GPC3: variants seen among roughly 807,000 people sequenced by gnomAD.
GPC3 encodes the protein glypican-3.
A neutral mutation model predicts 34.4 loss-of-function variants in GPC3; 3 were observed. The observed-to-expected ratio is 0.09, with a 90% CI of 0.04 to 0.23. The LOEUF (loss-of-function observed/expected upper bound fraction) is 0.23. Ranked by LOEUF, GPC3 falls within the 10% of genes least tolerant of loss-of-function variation. The pLI, the probability that GPC3 is intolerant of heterozygous loss-of-function variation, is 1.00. For missense variants in GPC3, 351 were observed against 445.6 expected, an observed-to-expected ratio of 0.79 and a Z score of 1.91; for synonymous variants, 177 against 174.0, an observed-to-expected ratio of 1.02 and a Z score of -0.13.
At chrX:133,596,344 G>C in intron 7 of GPC3, 96 bp downstream of exon 7, 1 of 731,124 alleles carries the variant, frequency 1.4e-6, no homozygotes, top group Non-Finnish European at 2.2e-6. Flanking sequence ...GTGTTGCAGG[G>C]AATGTAAGGG....
At chrX:133,913,474 C>G (rs1049038680) in intron 2 of GPC3, among the ~76,000 whole-genome samples, 4 of 111,895 alleles carry the variant, frequency 3.6e-5, no homozygotes, top group African/African-American at 6.6e-5. Context: ...GAAATGGAGC[C>G]AACAGATGTA....
At chrX:133,732,520 T>C (rs778979836) in intron 3 of GPC3, among the ~76,000 whole-genome samples, 25 of 111,418 alleles carry the variant, frequency 2.2e-4, no homozygotes, top group Non-Finnish European at 3.8e-4. Context: ...AACTCTTCTT[T>C]AAAAGGCAAA....
At chrX:133,767,207 A>G (rs183134869) in intron 2 of GPC3, among the ~76,000 whole-genome samples, 1 of 111,958 alleles carries the variant, frequency 8.9e-6, no homozygotes, top group East Asian at 2.8e-4. Context: ...TGGGTCTACT[A>G]AATATTTCAG....
At chrX:133,890,510 G>A (rs1026332936) in intron 2 of GPC3, among the ~76,000 whole-genome samples, 40 of 110,396 alleles carry the variant, frequency 3.6e-4, no homozygotes, top group African/African-American at 1.3e-3. Context: ...TTGAGCCTAG[G>A]AACTCAAGAC....
intron 2 of GPC3, among the ~76,000 whole-genome samples, chrX:133,913,189 G>T (rs2076208947): frequency 8.9e-6 from 1 of 112,240 alleles, no homozygotes; most frequent in Middle Eastern, 4.2e-3. Flanking sequence ...GCACCCCTTT[G>T]GGGAACAATC....
At chrX:133,639,289 T>C (rs2070459152) in intron 6 of GPC3, among the ~76,000 whole-genome samples, 1 of 112,182 alleles carries the variant, frequency 8.9e-6, no homozygotes, top group Non-Finnish European at 1.9e-5. Context: ...ACATTTTGTT[T>C]GGACTTGTCT....
At chrX:133,867,099 G>A (rs2075971592) in intron 2 of GPC3, among the ~76,000 whole-genome samples, 1 of 110,541 alleles carries the variant, frequency 9.0e-6, no homozygotes, top group Non-Finnish European at 1.9e-5. Context: ...TTGGGAGGCT[G>A]AGGCAGGAGA....
intron 2 of GPC3, among the ~76,000 whole-genome samples, chrX:133,880,411 A>G (rs1406067180): frequency 1.8e-5 from 2 of 112,059 alleles, no homozygotes; most frequent in Non-Finnish European, 1.9e-5. Context: ...AATGGGCCAC[A>G]TATTCTCTCC....
chrX:133,739,084 G>T (rs1253370917), intron 3 of GPC3, among the ~76,000 whole-genome samples: 1 of 111,146 alleles, frequency 9.0e-6, no homozygotes, highest in East Asian at 2.8e-4. Context: ...TCACAGGTAG[G>T]TATGTATAGG....
Position 133,682,340 on chromosome X carries a change from C to T in GPC3, c.1292+10029G>A, listed in dbSNP as rs756431482. On this transcript the variant is annotated intron_variant, in intron 5 of 7. Coordinates refer to ENST00000370818, the MANE Select transcript of GPC3 (RefSeq NM_004484.4). ...CCAAATGAACCCCAAATGGTATGAG[C>T]CTGCTTGATCAGCCACCTCATTTAG... Among the ~76,000 whole-genome samples the T allele has an allele frequency of 5.4e-5, 6 of 111,710 alleles. No individual in the cohort carries two copies. The South Asian group carries it at 2.3e-3, about 42-fold the overall frequency.
intron 2 of GPC3, among the ~76,000 whole-genome samples, chrX:133,891,647 A>G (rs980322385): frequency 2.8e-5 from 3 of 107,694 alleles, no homozygotes; most frequent in Non-Finnish European, 5.7e-5. Context: ...TAATTATTAT[A>G]ATAATAATAG....
intron 1 of GPC3, among the ~76,000 whole-genome samples, chrX:133,970,696 C>T (rs761750156): frequency 9.6e-6 from 1 of 103,754 alleles, no homozygotes; most frequent in South Asian, 4.5e-4. Context: ...CAACTATCTG[C>T]GACTCTATGC....
chrX:133,762,258 C>T (rs2071800183), intron 2 of GPC3, among the ~76,000 whole-genome samples: 1 of 112,027 alleles, frequency 8.9e-6, no homozygotes, highest in Admixed American at 9.5e-5. Context: ...CACTGTCTTC[C>T]CTAGCAGTGG....
intron 6 of GPC3, among the ~76,000 whole-genome samples, chrX:133,634,165 G>A (rs752655370): frequency 3.6e-5 from 4 of 111,623 alleles, no homozygotes; most frequent in Non-Finnish European, 5.6e-5. Flanking sequence ...TATAATCAAC[G>A]AATGACAATA....
chrX:133,550,762 T>C (rs1321278845), intron 7 of GPC3, among the ~76,000 whole-genome samples: 1 of 112,020 alleles, frequency 8.9e-6, no homozygotes, highest in Non-Finnish European at 1.9e-5. Flanking sequence ...GAGCCACCAC[T>C]GATCCATGAA....
intron 2 of GPC3, among the ~76,000 whole-genome samples, chrX:133,816,419 C>T (rs1358096439): frequency 9.0e-6 from 1 of 111,677 alleles, no homozygotes; most frequent in Non-Finnish European, 1.9e-5. Flanking sequence ...TCGTCTCATT[C>T]AACCAACTTC....
intron 5 of GPC3, among the ~76,000 whole-genome samples, chrX:133,669,145 C>T (rs1007957429): frequency 6.3e-5 from 7 of 111,714 alleles, no homozygotes; most frequent in Non-Finnish European, 9.4e-5. Context: ...CAGGTCAAAG[C>T]CATTCAGTGA....
At chrX:133,579,284 T>C (rs1217339050) in intron 7 of GPC3, among the ~76,000 whole-genome samples, 1 of 112,323 alleles carries the variant, frequency 8.9e-6, no homozygotes, top group East Asian at 2.8e-4. Context: ...TCCAGTTAGG[T>C]GTCTGTGCCC....
intron 2 of GPC3, among the ~76,000 whole-genome samples, chrX:133,767,474 C>A (rs1400557214): frequency 8.9e-6 from 1 of 111,941 alleles, no homozygotes; most frequent in Non-Finnish European, 1.9e-5. Context: ...GGAAAGCTAG[C>A]CTTTGCAAAA....
Sources: allele counts gnomAD v4.1 joint callset (sites outside exome capture counted in the v4.1 genomes callset), GRCh38; gene constraint gnomAD v4.1.1; transcripts MANE v1.5; gene names NCBI Gene and HGNC (gene_info 2026-07-23, HGNC 2026-07-21).